The following ZMAT4 variants were observed in gnomAD, a reference collection of about 807,000 sequenced individuals.
ZMAT4 encodes zinc finger matrin-type 4, also known as zinc finger matrin-type protein 4.
ZMAT4 carries 17 observed loss-of-function variants against 28.7 expected under a neutral mutation model. The observed-to-expected ratio is 0.59, with a 90% confidence interval of 0.41 to 0.89. The LOEUF is 0.89. Ranked by LOEUF, ZMAT4 falls within the 40% of genes least tolerant of loss-of-function variation. The probability of loss-of-function intolerance (pLI) is 0.00; values close to 1 mark genes in which losing one functional copy is unlikely to be tolerated. For synonymous variants in ZMAT4, 117 were observed against 109.2 expected, an observed-to-expected ratio of 1.07 and a Z score of -0.44; for missense variants, 240 against 283.8, an observed-to-expected ratio of 0.85 and a Z score of 1.11.
intron 2 of ZMAT4, chr8:40,808,442 G>C: frequency 2.5e-6 from 1 of 401,748 alleles, no homozygotes; most frequent in Non-Finnish European, 4.9e-6. Flanking sequence ...TTAAGAGACA[G>C]CTTGGCAATA....
intron 3 of ZMAT4, among the ~76,000 whole-genome samples, chr8:40,756,204 G>C (rs1005313794): frequency 6.6e-6 from 1 of 151,926 alleles, no homozygotes; most frequent in Non-Finnish European, 1.5e-5. Context: ...CAAACATCAA[G>C]TTCTGTGTAT....
chr8:40,534,077 A>C (rs147698753), intron 6 of ZMAT4, among the ~76,000 whole-genome samples: 5 of 152,186 alleles, frequency 3.3e-5, no homozygotes, highest in African/African-American at 1.2e-4. Flanking sequence ...AATCAGATGA[A>C]AGGGTTTTTT....
chr8:40,826,029 TG>T (rs568517932), intron 1 of ZMAT4, among the ~76,000 whole-genome samples: 1 of 152,210 alleles, frequency 6.6e-6, no homozygotes, highest in South Asian at 2.1e-4. Flanking sequence ...GAGGCCGAGG[TG>T]GGAGCATCAC....
chr8:40,723,609 CTCTAAATTAAT>C (rs1382025860), intron 3 of ZMAT4, among the ~76,000 whole-genome samples: 1 of 145,004 alleles, frequency 6.9e-6, no homozygotes, highest in Non-Finnish European at 1.5e-5. Context: ...AAGTTTAATT[CTCTAAATTAAT>C]TCTAAATTAA....
chr8:40,798,699 C>G (rs546273998), intron 2 of ZMAT4, among the ~76,000 whole-genome samples: 1 of 152,356 alleles, frequency 6.6e-6, no homozygotes, highest in East Asian at 1.9e-4. Flanking sequence ...CAGAGCAGCA[C>G]TCGGCTGAGA....
chr8:40,763,337 T>C (rs1813014101), intron 3 of ZMAT4, among the ~76,000 whole-genome samples: 1 of 152,204 alleles, frequency 6.6e-6, no homozygotes. Flanking sequence ...CATGTCTCTG[T>C]CAAGTACTAG....
Position 40,632,298 on chromosome 8 carries a change from C to T in ZMAT4, c.577+42406G>A, listed in dbSNP as rs189312005. On this transcript the variant is annotated intron_variant, in intron 5 of 6. Coordinates refer to ENST00000297737, the MANE Select transcript of ZMAT4 (RefSeq NM_024645.3). ...AATGTTTTTAAAAAGGGGAATAATC[C>T]TAGCAAAATAGTTTTATAGATTTTT... 2.4e-3 allele frequency among the ~76,000 whole-genome samples: 371 copies of T among 152,282 alleles called. 2 individuals are homozygous for T. In the East Asian group the frequency reaches 0.029, roughly 12 times the overall value.
chr8:40,601,927 A>G (rs910488392), intron 5 of ZMAT4, among the ~76,000 whole-genome samples: 6 of 152,152 alleles, frequency 3.9e-5, no homozygotes, highest in Admixed American at 6.5e-5. Flanking sequence ...TTACATGAAT[A>G]AATTCTTTAG....
intron 5 of ZMAT4, among the ~76,000 whole-genome samples, chr8:40,596,150 G>A (rs1392830561): frequency 6.6e-6 from 1 of 152,066 alleles, no homozygotes; most frequent in African/African-American, 2.4e-5. Flanking sequence ...ATAGTACATT[G>A]TATGGGGCAC....
intron 6 of ZMAT4, among the ~76,000 whole-genome samples, chr8:40,533,783 T>C (rs557349159): frequency 6.6e-6 from 1 of 152,370 alleles, no homozygotes; most frequent in East Asian, 1.9e-4. Context: ...CACTTTTTAG[T>C]AGTTGTTATA....
chr8:40,670,391 G>T lies in ZMAT4; in HGVS notation c.577+4313C>A, dbSNP rs776544088. Among the ~76,000 whole-genome samples the T allele has an allele frequency of 1.1e-4, 17 of 152,216 alleles. No homozygotes were observed. In the East Asian group the frequency reaches 3.3e-3, roughly 29 times the overall value. On this transcript the variant is annotated intron_variant, in intron 5 of 6. Transcript: ENST00000297737. ...ATACTGTACACAAAAATTAATTTCAGATACATCATAATCCTACATGTAAAA... is the reference window on the plus strand; with the variant it reads ...ATACTGTACACAAAAATTAATTTCATATACATCATAATCCTACATGTAAAA...
chr8:40,723,621 T>A (rs1052006358), intron 3 of ZMAT4, among the ~76,000 whole-genome samples: 8 of 151,906 alleles, frequency 5.3e-5, no homozygotes, highest in African/African-American at 1.9e-4. Context: ...CTAAATTAAT[T>A]CTAAATTAAT....
intron 6 of ZMAT4, among the ~76,000 whole-genome samples, chr8:40,551,508 A>T (rs957580424): frequency 2.0e-5 from 3 of 152,214 alleles, no homozygotes; most frequent in African/African-American, 7.2e-5. Flanking sequence ...TTCATATAGT[A>T]GACGATGTAT....
At chr8:40,751,047 G>C (rs1224227008) in intron 3 of ZMAT4, among the ~76,000 whole-genome samples, 1 of 152,130 alleles carries the variant, frequency 6.6e-6, no homozygotes, top group African/African-American at 2.4e-5. Context: ...CAATATGTAT[G>C]ATCAATCCTT....
At chr8:40,650,171 A>G (rs527733190) in intron 5 of ZMAT4, among the ~76,000 whole-genome samples, 4 of 152,348 alleles carry the variant, frequency 2.6e-5, no homozygotes, top group South Asian at 2.1e-4. Flanking sequence ...AAATTGATAG[A>G]CCGCTAGCAA....
At chr8:40,646,516 T>C (rs994114547) in intron 5 of ZMAT4, among the ~76,000 whole-genome samples, 12 of 152,150 alleles carry the variant, frequency 7.9e-5, no homozygotes, top group Admixed American at 2.6e-4. Context: ...GTCGATTATA[T>C]AGTTGACAGT....
chr8:40,644,493 A>ATAATTTATGTAGATACTCCACCCT (rs1807208921), intron 5 of ZMAT4, among the ~76,000 whole-genome samples: 1 of 150,900 alleles, frequency 6.6e-6, no homozygotes, highest in African/African-American at 2.4e-5. Flanking sequence ...AGCAATTTGA[A>ATAATTTATGTAGATACTCCACCCT]CAATAAAATA....
Position 40,735,816 on chromosome 8 carries a change from G to A in ZMAT4, c.192+31825C>T, listed in dbSNP as rs142126615. Among the ~76,000 whole-genome samples, 4 of 152,264 alleles carry A rather than the reference G, an allele frequency of 2.6e-5. No individual in the cohort carries two copies. In the East Asian group the frequency reaches 7.7e-4, roughly 29 times the overall value. ...CGCAGGACCCATCACAACACTCAGAGTCCCAGAACAGCATGTCTGGATGGG... is the reference window on the plus strand; with the variant it reads ...CGCAGGACCCATCACAACACTCAGAATCCCAGAACAGCATGTCTGGATGGG... On this transcript the variant is annotated intron_variant, in intron 3 of 6. Transcript: ENST00000297737.
intron 5 of ZMAT4, among the ~76,000 whole-genome samples, chr8:40,594,080 C>T (rs756593885): frequency 1.3e-5 from 2 of 152,122 alleles, no homozygotes; most frequent in Non-Finnish European, 2.9e-5. Flanking sequence ...AGACAGTGGC[C>T]CCCGAGGCAC....
Sources: allele counts gnomAD v4.1 joint callset (sites outside exome capture counted in the v4.1 genomes callset), GRCh38; gene constraint gnomAD v4.1.1; transcripts MANE v1.5; gene names NCBI Gene and HGNC (gene_info 2026-07-23, HGNC 2026-07-21).